The following KLRG1 variants were observed in gnomAD, a reference collection of about 807,000 sequenced individuals.
KLRG1 encodes the protein killer cell lectin-like receptor subfamily G member 1.
Under a neutral mutation model 21.8 loss-of-function variants are expected in KLRG1, and 16 were observed. That is an observed-to-expected ratio of 0.73 (90% CI 0.50 to 1.11). KLRG1 has a LOEUF of 1.11. Among genes scored for constraint, KLRG1 ranks in the 50% most tolerant of loss-of-function variants. KLRG1 has a pLI of 0.00. For missense variants in KLRG1, 173 were observed against 218.3 expected, an observed-to-expected ratio of 0.79 and a Z score of 1.31; for synonymous variants, 69 against 75.9, an observed-to-expected ratio of 0.91 and a Z score of 0.47.
the KLRG1 span, chr12:9,201,153 C>T: frequency 2.0e-6 from 3 of 1,489,592 alleles, no homozygotes; most frequent in Non-Finnish European, 2.8e-6. Context: ...TTAGCATTGC[C>T]TCTGGAAAGA....
At chr12:9,072,042 C>T in the KLRG1 span, among the ~76,000 whole-genome samples, 1 of 152,162 alleles carries the variant, frequency 6.6e-6, no homozygotes, top group African/African-American at 2.4e-5. Context: ...TTCTTCATCT[C>T]TATCTTCAAT....
the KLRG1 span, among the ~76,000 whole-genome samples, chr12:9,163,502 C>T: frequency 1.3e-5 from 2 of 151,082 alleles, no homozygotes; most frequent in Admixed American, 1.3e-4. Flanking sequence ...AAAAAATTTA[C>T]AATAGCTGGC....
At chr12:8,966,029 T>C (rs1356763403) in intron 1 of KLRG1, among the ~76,000 whole-genome samples, 2 of 152,040 alleles carry the variant, frequency 1.3e-5, no homozygotes, top group Non-Finnish European at 2.9e-5. Flanking sequence ...TCAGAGATAA[T>C]GCCGCATATC....
the KLRG1 span, chr12:9,157,090 T>A: frequency 7.4e-7 from 1 of 1,353,592 alleles, no homozygotes; most frequent in Non-Finnish European, 1.0e-6. Flanking sequence ...TCTCCGCACC[T>A]CCCAGACAGG....
At chr12:8,977,855 A>G (rs1245349097) in intron 1 of KLRG1, among the ~76,000 whole-genome samples, 1 of 151,874 alleles carries the variant, frequency 6.6e-6, no homozygotes, top group Non-Finnish European at 1.5e-5. Context: ...GTGTTTCTGT[A>G]TTGTTTCAAT....
chr12:9,193,942 A>G, the KLRG1 span: 13 of 849,748 alleles, frequency 1.5e-5, no homozygotes, highest in Non-Finnish European at 1.9e-5. Flanking sequence ...AAATTCTATT[A>G]TCCTCAAATT....
chr12:9,206,843 T>C, the KLRG1 span, among the ~76,000 whole-genome samples: 1 of 152,166 alleles, frequency 6.6e-6, no homozygotes, highest in Non-Finnish European at 1.5e-5. Context: ...AGTGTAGGAA[T>C]GCATCCAGAA....
chr12:9,062,811 G>T, the KLRG1 span, among the ~76,000 whole-genome samples: 1 of 148,640 alleles, frequency 6.7e-6, no homozygotes, highest in Non-Finnish European at 1.5e-5. Context: ...TATTGTGTTA[G>T]GTGATTTTTT....
the KLRG1 span, chr12:9,196,375 C>G: frequency 1.2e-6 from 2 of 1,613,810 alleles, no homozygotes; most frequent in Non-Finnish European, 1.7e-6. Context: ...AATCCACTTT[C>G]ACGAATTTGA....
intron 1 of KLRG1, among the ~76,000 whole-genome samples, chr12:8,963,969 A>G (rs954625121): frequency 6.6e-6 from 1 of 152,004 alleles, no homozygotes; most frequent in Non-Finnish European, 1.5e-5. Context: ...AATTTTGTTT[A>G]TCTCTTCAAA....
At chr12:8,955,157 C>T (rs1946268479) in intron 1 of KLRG1, among the ~76,000 whole-genome samples, 1 of 152,100 alleles carries the variant, frequency 6.6e-6, no homozygotes, top group South Asian at 2.1e-4. Context: ...CCTTGTGCCG[C>T]CCACCTCGGC....
chr12:9,076,031 A>G, the KLRG1 span, among the ~76,000 whole-genome samples: 1 of 152,202 alleles, frequency 6.6e-6, no homozygotes, highest in Non-Finnish European at 1.5e-5. Context: ...TATTTCTTCA[A>G]CCGCTCATAT....
At chr12:9,076,873 C>T in the KLRG1 span, 2 of 1,613,148 alleles carry the variant, frequency 1.2e-6, no homozygotes, top group East Asian at 2.2e-5. Flanking sequence ...CTGCCATGGT[C>T]CCCTTCTTGT....
the KLRG1 span, chr12:9,107,408 C>T: frequency 2.4e-6 from 3 of 1,258,788 alleles, no homozygotes; most frequent in Admixed American, 5.2e-5. Flanking sequence ...TTACAATAGC[C>T]AACATGGAAT....
the KLRG1 span, among the ~76,000 whole-genome samples, chr12:9,048,217 T>G: frequency 6.6e-6 from 1 of 152,164 alleles, no homozygotes; most frequent in East Asian, 1.9e-4. Context: ...AACAGAAAGA[T>G]AGCTAGAAAA....
At chr12:8,975,256 G>A (rs1946639698) in intron 1 of KLRG1, among the ~76,000 whole-genome samples, 3 of 152,074 alleles carry the variant, frequency 2.0e-5, no homozygotes, top group Non-Finnish European at 4.4e-5. Flanking sequence ...TTCTTTAAAT[G>A]TTTTGTAAAA....
chr12:9,154,865 T>G, the KLRG1 span: 11 of 1,579,258 alleles, frequency 7.0e-6, no homozygotes, highest in Non-Finnish European at 9.6e-6. Context: ...AAGGAGATAA[T>G]TGTAACTCAT....
intron 1 of KLRG1, among the ~76,000 whole-genome samples, chr12:8,977,374 T>TG (rs1946674356): frequency 2.7e-5 from 4 of 148,548 alleles, no homozygotes; most frequent in Admixed American, 2.7e-4. Flanking sequence ...TGGCTAATTT[T>TG]TTTTTTTTTT....
the KLRG1 span, among the ~76,000 whole-genome samples, chr12:9,118,844 G>A: frequency 6.6e-6 from 1 of 152,120 alleles, no homozygotes; most frequent in Non-Finnish European, 1.5e-5. Context: ...AGAGACTATG[G>A]ATTTATCAGT....
Sources: allele counts gnomAD v4.1 joint callset (sites outside exome capture counted in the v4.1 genomes callset), GRCh38; gene constraint gnomAD v4.1.1; transcripts MANE v1.5; gene names NCBI Gene and HGNC (gene_info 2026-07-23, HGNC 2026-07-21).